WWOX: variants seen among roughly 807,000 people sequenced by gnomAD.
WWOX encodes WW domain-containing oxidoreductase.
In WWOX, 69 loss-of-function variants were observed where a neutral mutation model predicts 46.2. The ratio of observed to expected loss-of-function variants is 1.49; its 90% CI spans 1.23 to 1.82. WWOX has a LOEUF of 1.82. Ranked by LOEUF, WWOX falls within the 40% of genes most tolerant of loss-of-function variation. WWOX has a pLI of 0.00. For missense variants in WWOX, 919 were observed against 542.6 expected (o/e 1.69, Z -6.89); for synonymous variants, 359 against 202.6 (o/e 1.77, Z -6.56).
chr16:78,650,102 AG>A (rs1321136051), intron 8 of WWOX, among the ~76,000 whole-genome samples: 1 of 152,226 alleles, frequency 6.6e-6, no homozygotes, highest in Non-Finnish European at 1.5e-5. Context: ...GAAATGTCAG[AG>A]GAAGGAGGGA....
At chr16:78,868,191 A>C (rs944784807) in intron 8 of WWOX, among the ~76,000 whole-genome samples, 5 of 152,230 alleles carry the variant, frequency 3.3e-5, no homozygotes, top group African/African-American at 1.2e-4. Flanking sequence ...AATACTACTC[A>C]GCAATGAAAA....
intron 8 of WWOX, among the ~76,000 whole-genome samples, chr16:79,189,467 G>A (rs1032322842): frequency 6.8e-6 from 1 of 147,742 alleles, no homozygotes; most frequent in Non-Finnish European, 1.5e-5. Flanking sequence ...GTGTGTGTGT[G>A]TGTGTGTGTG....
chr16:78,400,739 A>G (rs532216474), intron 6 of WWOX, among the ~76,000 whole-genome samples: 1 of 152,162 alleles, frequency 6.6e-6, no homozygotes, highest in South Asian at 2.1e-4. Context: ...TTTGATTTTA[A>G]AGCAAATCCA....
chr16:79,166,693 C>T (rs908922572), intron 8 of WWOX, among the ~76,000 whole-genome samples: 1 of 152,218 alleles, frequency 6.6e-6, no homozygotes, highest in Non-Finnish European at 1.5e-5. Flanking sequence ...ATGGTGACTA[C>T]TGTCCCTCAA....
At chr16:78,261,124 T>G (rs916637380) in intron 5 of WWOX, among the ~76,000 whole-genome samples, 3 of 151,148 alleles carry the variant, frequency 2.0e-5, no homozygotes, top group African/African-American at 7.3e-5. Context: ...ATTCACATTT[T>G]TTAAGTAAAA....
At chr16:78,270,589 A>G (rs928168892) in intron 5 of WWOX, 11 of 152,200 alleles carry the variant, frequency 7.2e-5, no homozygotes, top group Non-Finnish European at 1.2e-4. Flanking sequence ...TTGCTCTGCC[A>G]TGAGTAACGA....
chr16:79,210,728 A>C (rs561474401), intron 8 of WWOX, among the ~76,000 whole-genome samples: 1 of 152,296 alleles, frequency 6.6e-6, no homozygotes, highest in East Asian at 1.9e-4. Flanking sequence ...TGGCTTGCAA[A>C]GCAAAGTGAT....
intron 6 of WWOX, among the ~76,000 whole-genome samples, chr16:78,394,411 A>G (rs1047310579): frequency 6.6e-6 from 1 of 150,702 alleles, no homozygotes; most frequent in African/African-American, 2.4e-5. Flanking sequence ...TTTCCATCCT[A>G]AGGCATTGAA....
chr16:78,730,716 T>G (rs2048950097), intron 8 of WWOX, among the ~76,000 whole-genome samples: 1 of 149,892 alleles, frequency 6.7e-6, no homozygotes, highest in Non-Finnish European at 1.5e-5. Flanking sequence ...CTCCTTATCC[T>G]CCCAAAGTGC....
chr16:78,475,787 G>A (rs771464992), intron 8 of WWOX, among the ~76,000 whole-genome samples: 7 of 152,158 alleles, frequency 4.6e-5, no homozygotes, highest in Admixed American at 3.3e-4. Flanking sequence ...GTAGAGACGC[G>A]TTTCACCATG....
intron 8 of WWOX, among the ~76,000 whole-genome samples, chr16:79,007,202 A>C (rs558083495): frequency 2.0e-5 from 3 of 152,200 alleles, no homozygotes; most frequent in Non-Finnish European, 2.9e-5. Context: ...GAGAAAGTCA[A>C]GTTTTTACAG....
At chr16:79,189,370 G>A (rs912351221) in intron 8 of WWOX, among the ~76,000 whole-genome samples, 2 of 150,748 alleles carry the variant, frequency 1.3e-5, no homozygotes, top group Non-Finnish European at 2.9e-5. Context: ...TGATCCTCCT[G>A]TCTCAGCCTC....
At chr16:78,486,221 T>G (rs2084632192) in intron 8 of WWOX, among the ~76,000 whole-genome samples, 1 of 152,180 alleles carries the variant, frequency 6.6e-6, no homozygotes, top group Non-Finnish European at 1.5e-5. Context: ...TTGGCTGATT[T>G]CAAGTTGCAG....
chr16:78,798,770 A>G (rs1371803621), intron 8 of WWOX, among the ~76,000 whole-genome samples: 1 of 152,156 alleles, frequency 6.6e-6, no homozygotes, highest in Admixed American at 6.5e-5. Flanking sequence ...TCTACTATTA[A>G]CATAAAGTAA....
chr16:78,301,083 C>G (rs1294851199), intron 5 of WWOX, among the ~76,000 whole-genome samples: 1 of 152,108 alleles, frequency 6.6e-6, no homozygotes, highest in Non-Finnish European at 1.5e-5. Context: ...CAAACTTTAC[C>G]CTTAAGGACT....
chr16:78,513,810 A>T (rs924031480), intron 8 of WWOX, among the ~76,000 whole-genome samples: 1 of 152,262 alleles, frequency 6.6e-6, no homozygotes, highest in Middle Eastern at 3.4e-3. Context: ...ATCCACCTGC[A>T]TACTTTACAC....
At chr16:78,809,901 G>A (rs1326531026) in intron 8 of WWOX, among the ~76,000 whole-genome samples, 1 of 152,152 alleles carries the variant, frequency 6.6e-6, no homozygotes, top group Non-Finnish European at 1.5e-5. Flanking sequence ...CCTCCCGTGG[G>A]TTAGCATGTT....
chr16:78,373,970 A>G (rs574242475), intron 5 of WWOX, among the ~76,000 whole-genome samples: 2 of 152,262 alleles, frequency 1.3e-5, no homozygotes, highest in Admixed American at 1.3e-4. Context: ...TATTTTTAGT[A>G]GAGATGGAAT....
At chr16:79,108,070 C>T (rs2049344891) in intron 8 of WWOX, among the ~76,000 whole-genome samples, 1 of 152,122 alleles carries the variant, frequency 6.6e-6, no homozygotes, top group African/African-American at 2.4e-5. Context: ...CCTTGATTGT[C>T]TTATCTATTA....
Sources: allele counts gnomAD v4.1 joint callset (sites outside exome capture counted in the v4.1 genomes callset), GRCh38; gene constraint gnomAD v4.1.1; transcripts MANE v1.5; gene names NCBI Gene and HGNC (gene_info 2026-07-23, HGNC 2026-07-21).